Variants in WRN observed in about 807,000 individuals in gnomAD.
WRN encodes WRN RecQ like helicase.
Under a neutral mutation model 180.7 loss-of-function variants are expected in WRN, and 149 were observed. The ratio of observed to expected loss-of-function variants is 0.82; its 90% CI spans 0.72 to 0.94. The LOEUF (loss-of-function observed/expected upper bound fraction) is 0.94. Among genes scored for constraint, WRN ranks in the 40% least tolerant of loss-of-function variants. The pLI, the probability that WRN is intolerant of heterozygous loss-of-function variation, is 0.00. For synonymous variants in WRN, 548 were observed against 568.9 expected (o/e 0.96, Z 0.52); for missense variants, 1,661 against 1,700.1 (o/e 0.98, Z 0.40).
At chr8:31,059,387 A>G (rs923173679) in intron 3 of WRN, 122 bp downstream of exon 3, 2 of 755,790 alleles carry the variant, frequency 2.6e-6, no homozygotes, top group South Asian at 1.5e-5. Context: ...AATTATTTCT[A>G]TGTATACACT....
intron 27 of WRN, 105 bp from the exon 28 acceptor site, chr8:31,143,445 A>G (rs1802738535): frequency 1.4e-6 from 1 of 734,258 alleles, no homozygotes; most frequent in South Asian, 1.7e-5. Flanking sequence ...CAGCTTGATT[A>G]GGCAAAGAAA....
At chr8:31,125,537 G>GATATATATATAT (rs71206299) in intron 23 of WRN, among the ~76,000 whole-genome samples, 1,876 of 63,540 alleles carry the variant, frequency 0.03, 166 homozygotes, top group Non-Finnish European at 0.034. Context: ...ATATTATGGA[G>GATATATATATAT]ATATATATAT....
chr8:31,034,887 C>T (rs1473430406), intron 1 of WRN, among the ~76,000 whole-genome samples: 1 of 152,112 alleles, frequency 6.6e-6, no homozygotes, highest in Admixed American at 6.5e-5. Context: ...CAGCATATGG[C>T]ATTTTATGGC....
chr8:31,135,013 C>G (rs1048285998), intron 24 of WRN, among the ~76,000 whole-genome samples: 26 of 152,182 alleles, frequency 1.7e-4, no homozygotes, highest in African/African-American at 6.3e-4. Context: ...CCGTCCTCCC[C>G]CAAGCCCCCC....
intron 8 of WRN, 29 bp from the exon 9 acceptor site, chr8:31,080,838 G>C: frequency 6.4e-7 from 1 of 1,550,550 alleles, no homozygotes; most frequent in Admixed American, 1.9e-5. Flanking sequence ...AATTGAAGTT[G>C]AATTAATCTT....
chr8:31,047,068 C>G (rs1018773898), intron 1 of WRN, among the ~76,000 whole-genome samples: 1 of 151,786 alleles, frequency 6.6e-6, no homozygotes, highest in African/African-American at 2.4e-5. Flanking sequence ...TTACCTTTCC[C>G]TCTTCCCCCT....
intron 7 of WRN, among the ~76,000 whole-genome samples, chr8:31,074,358 A>G (rs187832497): frequency 6.6e-6 from 1 of 152,184 alleles, no homozygotes; most frequent in African/African-American, 2.4e-5. Context: ...GAATTTCGCT[A>G]TAAATGGGAG....
intron 24 of WRN, among the ~76,000 whole-genome samples, chr8:31,133,956 G>C (rs1802286043): frequency 6.6e-6 from 1 of 152,130 alleles, no homozygotes; most frequent in African/African-American, 2.4e-5. Flanking sequence ...GGCCACAAGA[G>C]AGATCAGATT....
chr8:31,113,366 A>G (rs543631918), intron 19 of WRN, among the ~76,000 whole-genome samples: 2 of 152,338 alleles, frequency 1.3e-5, no homozygotes, highest in South Asian at 4.1e-4. Flanking sequence ...ATTGAAATGT[A>G]GGATTTGCTC....
At chr8:31,141,381 A>AT (rs1802621333) in intron 24 of WRN, 49 bp from the exon 25 acceptor site, 11 of 1,605,332 alleles carry the variant, frequency 6.9e-6, no homozygotes, top group Non-Finnish European at 9.4e-6. Context: ...TACTTAACCT[A>AT]TATGTTTAAA....
chr8:31,062,731 A>T (rs1812535071), intron 3 of WRN, among the ~76,000 whole-genome samples: 1 of 152,108 alleles, frequency 6.6e-6, no homozygotes, highest in African/African-American at 2.4e-5. Flanking sequence ...TCAGTTCTTT[A>T]TTAAGAAATG....
chr8:31,048,080 G>A (rs1361821538), intron 1 of WRN, among the ~76,000 whole-genome samples: 3 of 152,118 alleles, frequency 2.0e-5, no homozygotes, highest in Non-Finnish European at 2.9e-5. Context: ...GTACAAAATT[G>A]TGCTTTATAT....
At chr8:31,143,650 T>TAA in intron 28 of WRN, 27 bp downstream of exon 28, 1 of 1,500,686 alleles carries the variant, frequency 6.7e-7, no homozygotes, top group East Asian at 2.3e-5. Flanking sequence ...TTCTATGTTC[T>TAA]ATACTTGCTT....
At chr8:31,159,961 AAAG>A (rs1299022308) in intron 33 of WRN, among the ~76,000 whole-genome samples, 1 of 150,854 alleles carries the variant, frequency 6.6e-6, no homozygotes, top group East Asian at 2.0e-4. Context: ...AAAAAAAAAA[AAAG>A]ACCTTGTACC....
In WRN at chr8:31,154,614, A is replaced by C; in HGVS notation, c.3688-10A>C. 6.2e-7 allele frequency: 1 copy of C among 1,609,370 alleles called. No homozygotes were observed. Among genetic ancestry groups the C allele is most frequent in the South Asian group, 1.1e-5 (1 of 90,688 alleles). On this transcript the variant is annotated splice_polypyrimidine_tract_variant and intron_variant, in intron 31 of 34. Coordinates refer to ENST00000298139, the MANE Select transcript of WRN (RefSeq NM_000553.6). ...TACTGATCATTTGTGCTACATTAAA[A>C]ATTCTGTAGACAGACCTCTTTTCAA...
intron 19 of WRN, 132 bp downstream of exon 19, chr8:31,111,931 G>A (rs945611085): frequency 2.1e-4 from 246 of 1,175,666 alleles, no homozygotes; most frequent in Middle Eastern, 2.8e-4. Flanking sequence ...CCTAGTTTTG[G>A]TTCAAGTCAA....
At chr8:31,070,002 G>A (rs1812845876) in intron 7 of WRN, among the ~76,000 whole-genome samples, 1 of 151,974 alleles carries the variant, frequency 6.6e-6, no homozygotes, top group Non-Finnish European at 1.5e-5. Context: ...CCTGGTATCT[G>A]TGTACTTGTC....
intron 18 of WRN, among the ~76,000 whole-genome samples, chr8:31,110,006 A>G (rs1344257979): frequency 6.6e-6 from 1 of 152,178 alleles, no homozygotes; most frequent in African/African-American, 2.4e-5. Flanking sequence ...CTGTTTTCTT[A>G]TGGACTGTAT....
chr8:31,115,665 A>T (rs1358467820), intron 19 of WRN, among the ~76,000 whole-genome samples: 1 of 152,214 alleles, frequency 6.6e-6, no homozygotes, highest in African/African-American at 2.4e-5. Flanking sequence ...TTGTCAGCAT[A>T]AATGAATGCA....
Sources: gnomAD v4.1 joint callset for allele counts (sites outside exome capture counted in the v4.1 genomes callset) on GRCh38, gnomAD v4.1.1 for gene constraint, MANE v1.5 for transcripts, NCBI Gene and HGNC (gene_info 2026-07-23, HGNC 2026-07-21) for gene names.